NTRK2: variants seen among roughly 807,000 people sequenced by gnomAD.
NTRK2 encodes the protein BDNF/NT-3 growth factors receptor.
A neutral mutation model predicts 94.5 loss-of-function variants in NTRK2; 13 were observed. The ratio of observed to expected loss-of-function variants is 0.14; its 90% CI spans 0.09 to 0.22. NTRK2 has a LOEUF of 0.22. Ranked by LOEUF, NTRK2 falls within the 10% of genes least tolerant of loss-of-function variation. NTRK2 has a pLI of 1.00. For missense variants in NTRK2, 639 were observed against 1,071.2 expected, an observed-to-expected ratio of 0.60 and a Z score of 5.63; for synonymous variants, 372 against 407.4, an observed-to-expected ratio of 0.91 and a Z score of 1.05.
intron 14 of NTRK2, among the ~76,000 whole-genome samples, chr9:84,920,519 A>C (rs2077530198): frequency 6.6e-6 from 1 of 152,088 alleles, no homozygotes. Context: ...CGTCTGTTGC[A>C]CCTGCTGGCC....
At chr9:84,742,665 T>G (rs2063736798) in intron 10 of NTRK2, among the ~76,000 whole-genome samples, 1 of 151,624 alleles carries the variant, frequency 6.6e-6, no homozygotes, top group Non-Finnish European at 1.5e-5. Flanking sequence ...ATCCCTTCAG[T>G]AACTAAATTC....
At chr9:84,983,749 C>G (rs1827944236) in intron 17 of NTRK2, among the ~76,000 whole-genome samples, 1 of 152,196 alleles carries the variant, frequency 6.6e-6, no homozygotes, top group Non-Finnish European at 1.5e-5. Context: ...CCCCCACACA[C>G]AAATTACATG....
intron 12 of NTRK2, chr9:84,812,359 G>C: frequency 2.8e-6 from 3 of 1,058,864 alleles, no homozygotes; most frequent in Non-Finnish European, 3.4e-6. Context: ...GCCTTAAAGA[G>C]GGGCAGTTTC....
intron 16 of NTRK2, among the ~76,000 whole-genome samples, chr9:84,953,092 T>C (rs1472467756): frequency 6.6e-6 from 1 of 152,194 alleles, no homozygotes; most frequent in African/African-American, 2.4e-5. Context: ...ATAGTAGATT[T>C]AAGGAAGACA....
intron 16 of NTRK2, among the ~76,000 whole-genome samples, chr9:84,952,518 C>T (rs1439628704): frequency 2.2e-4 from 34 of 152,148 alleles, no homozygotes; most frequent in Admixed American, 2.2e-3. Context: ...TCTAAGACTT[C>T]ACGAGGACCT....
At chr9:84,846,322 C>T (rs2074470172) in intron 12 of NTRK2, among the ~76,000 whole-genome samples, 1 of 152,222 alleles carries the variant, frequency 6.6e-6, no homozygotes, top group African/African-American at 2.4e-5. Context: ...TCATCGTCCC[C>T]TCCATGTGAT....
At chr9:84,855,013 G>A (rs1486518235) in intron 12 of NTRK2, among the ~76,000 whole-genome samples, 1 of 140,176 alleles carries the variant, frequency 7.1e-6, no homozygotes, top group African/African-American at 2.6e-5. Flanking sequence ...ATGAAAAAAT[G>A]CAAAGTGAGC....
At chr9:84,832,306 C>T (rs1390298169) in intron 12 of NTRK2, among the ~76,000 whole-genome samples, 1 of 152,150 alleles carries the variant, frequency 6.6e-6, no homozygotes. Context: ...ATGAGACATA[C>T]CTTCAAAGGT....
At chr9:84,870,339 A>ATATATATATATG (rs2075809899) in intron 14 of NTRK2, among the ~76,000 whole-genome samples, 1 of 98,336 alleles carries the variant, frequency 1.0e-5, no homozygotes, top group African/African-American at 4.0e-5. Flanking sequence ...GTGTATATAT[A>ATATATATATATG]TATATATATA....
chr9:84,812,844 G>T, intron 12 of NTRK2: 1 of 1,036,204 alleles, frequency 9.7e-7, no homozygotes, highest in Non-Finnish European at 1.2e-6. Context: ...ATGGAGAGAA[G>T]TGGACAGATA....
Position 85,025,025 on chromosome 9 carries a change from G to A in NTRK2, c.*3588G>A, listed in dbSNP as rs574544570. 48 of 232,974 alleles carry A rather than the reference G, an allele frequency of 2.1e-4. No homozygotes were observed. Among genetic ancestry groups the A allele is most frequent in the East Asian group, 6.1e-4 (10 of 16,522 alleles). The allele number at this position is 232,974 out of a possible 1,614,324, so 14.4% of individuals were successfully genotyped here. A position where few individuals can be genotyped will look rare whatever the true frequency, so the allele number is the denominator to read the frequency against. On this transcript the variant is annotated 3_prime_UTR_variant, in exon 19 of 19. Coordinates refer to ENST00000277120, the MANE Select transcript of NTRK2 (RefSeq NM_006180.6). ...ATAGAGGTAATTATAAGTAGGATGC[G>A]GTATGAATAATTTGCTTAAAATATG...
At chr9:84,960,294 T>C (rs1004392431) in intron 17 of NTRK2, among the ~76,000 whole-genome samples, 11 of 152,132 alleles carry the variant, frequency 7.2e-5, no homozygotes, top group African/African-American at 2.4e-4. Context: ...TGAACAGATA[T>C]GAATTTTAGC....
chr9:84,985,607 G>A (rs1214573019), intron 17 of NTRK2, among the ~76,000 whole-genome samples: 1 of 152,168 alleles, frequency 6.6e-6, no homozygotes, highest in Non-Finnish European at 1.5e-5. Context: ...TACGGAAAAT[G>A]TTATTGTGAT....
At chr9:84,726,316 G>A (rs900661616) in intron 8 of NTRK2, among the ~76,000 whole-genome samples, 2 of 152,112 alleles carry the variant, frequency 1.3e-5, no homozygotes, top group Admixed American at 6.6e-5. Flanking sequence ...ATGAAACCCC[G>A]TCTCTACTAG....
intron 2 of NTRK2, among the ~76,000 whole-genome samples, chr9:84,697,691 G>T (rs1451420311): frequency 2.0e-5 from 3 of 152,202 alleles, no homozygotes; most frequent in Non-Finnish European, 4.4e-5. Flanking sequence ...CCTGGAGGCA[G>T]GTGGAAGTCA....
chr9:84,956,953 G>C (rs2132998740), intron 17 of NTRK2, among the ~76,000 whole-genome samples: 1 of 152,076 alleles, frequency 6.6e-6, no homozygotes, highest in Admixed American at 6.5e-5. Flanking sequence ...TGTATTTGCA[G>C]GAGATGGGGG....
intron 12 of NTRK2, among the ~76,000 whole-genome samples, chr9:84,788,567 G>A (rs2068377475): frequency 6.6e-6 from 1 of 152,164 alleles, no homozygotes; most frequent in South Asian, 2.1e-4. Context: ...GGATGTAGAG[G>A]CCAAGAGTCT....
At chr9:84,794,426 C>T (rs1297025011) in intron 12 of NTRK2, among the ~76,000 whole-genome samples, 2 of 152,146 alleles carry the variant, frequency 1.3e-5, no homozygotes, top group Admixed American at 6.5e-5. Context: ...GATGAGTTAA[C>T]ATCATGGCAT....
rs2132078665 is a variant in NTRK2, at chr9:84,727,730, C to T, written c.930C>T (p.Asn310=). ...HWCIPFTVKG[N]PKPALQWFYN... is the part of the protein sequence containing the mutation. Reference sequence around the variant, plus strand: ...GCATTCCATTCACTGTGAAAGGCAACCCCAAACCAGCGCTTCAGTGGTTCT... The same window carrying T: ...GCATTCCATTCACTGTGAAAGGCAATCCCAAACCAGCGCTTCAGTGGTTCT... Residue 310 remains asparagine, a synonymous_variant, in exon 9 of 19, where the codon AAC becomes AAT. Transcript: ENST00000277120. 1.2e-6 allele frequency: 2 copies of T among 1,614,066 alleles called. No homozygotes were observed. The highest frequency in any genetic ancestry group is 1.1e-5 in the South Asian group (1 of 91,072).
Sources: gnomAD v4.1 joint callset for allele counts (sites outside exome capture counted in the v4.1 genomes callset) on GRCh38, gnomAD v4.1.1 for gene constraint, MANE v1.5 for transcripts, NCBI Gene and HGNC (gene_info 2026-07-23, HGNC 2026-07-21) for gene names.